NBEA: variants seen among roughly 807,000 people sequenced by gnomAD.
NBEA encodes neurobeachin, also known as lysosomal-trafficking regulator 2.
A neutral mutation model predicts 343.4 loss-of-function variants in NBEA; 44 were observed. The ratio of observed to expected loss-of-function variants is 0.13; its 90% CI spans 0.10 to 0.16. The LOEUF is 0.16. Among genes scored for constraint, NBEA ranks in the 10% least tolerant of loss-of-function variants. NBEA has a pLI of 1.00. For synonymous variants in NBEA, 1,175 were observed against 1,238.7 expected, an observed-to-expected ratio of 0.95 and a Z score of 1.08; for missense variants, 2,555 against 3,631.3, an observed-to-expected ratio of 0.70 and a Z score of 7.62.
intron 45 of NBEA, among the ~76,000 whole-genome samples, chr13:35,574,294 T>A (rs1437005453): frequency 9.6e-5 from 13 of 135,106 alleles, no homozygotes; most frequent in Non-Finnish European, 9.3e-5. Context: ...GGATATTCTT[T>A]AAAAAAAAAA....
chr13:35,637,729 G>A (rs990755964), intron 49 of NBEA, among the ~76,000 whole-genome samples: 1 of 152,026 alleles, frequency 6.6e-6, no homozygotes, highest in Non-Finnish European at 1.5e-5. Flanking sequence ...GGCTGAGGCA[G>A]GAGAATCACT....
At chr13:35,526,564 G>C (rs112958858) in intron 41 of NBEA, among the ~76,000 whole-genome samples, 5 of 152,170 alleles carry the variant, frequency 3.3e-5, no homozygotes, top group Non-Finnish European at 7.3e-5. Flanking sequence ...CTTGAACCCA[G>C]TGTCCTTGGA....
At chr13:35,180,582 T>C (rs1257017401) in intron 28 of NBEA, among the ~76,000 whole-genome samples, 1 of 151,722 alleles carries the variant, frequency 6.6e-6, no homozygotes, top group Non-Finnish European at 1.5e-5. Context: ...CTCCATTTTA[T>C]CTTTGAGTTT....
At chr13:35,025,706 C>T (rs1025221037) in intron 1 of NBEA, among the ~76,000 whole-genome samples, 10 of 152,082 alleles carry the variant, frequency 6.6e-5, no homozygotes, top group African/African-American at 2.2e-4. Context: ...TTTTATCTCT[C>T]ACTAGTCTCA....
At chr13:35,358,271 G>A (rs985324088) in intron 38 of NBEA, among the ~76,000 whole-genome samples, 12 of 150,218 alleles carry the variant, frequency 8.0e-5, no homozygotes, top group Non-Finnish European at 1.2e-4. Flanking sequence ...TGATCTGCCC[G>A]CCTCAACCTC....
At chr13:35,087,991 C>G (rs1325581388) in intron 10 of NBEA, among the ~76,000 whole-genome samples, 1 of 151,792 alleles carries the variant, frequency 6.6e-6, no homozygotes, top group Non-Finnish European at 1.5e-5. Context: ...TAATGTAACA[C>G]AGGGAAGAAG....
Position 34,942,805 on chromosome 13 carries a change from C to T in NBEA, c.-16C>T, listed in dbSNP as rs2059068968. 3.7e-6 allele frequency: 5 copies of T among 1,356,234 alleles called. No homozygotes were observed. Among genetic ancestry groups the T allele is most frequent in the Non-Finnish European group, 3.8e-6 (4 of 1,055,770 alleles). 84.0% of individuals were successfully genotyped at this position (1,356,234 alleles called of 1,614,324 possible). ...GCAGCGCCGCTGCTCTTCCCTTCTC[C>T]TCAGGAGGGGGGCCAATGGCTAGCG... On this transcript the variant is annotated 5_prime_UTR_variant, in exon 1 of 59. Coordinates refer to ENST00000379939, the MANE Select transcript of NBEA (RefSeq NM_001385012.1).
chr13:34,974,122 C>T (rs144575609), intron 1 of NBEA, among the ~76,000 whole-genome samples: 6 of 152,276 alleles, frequency 3.9e-5, no homozygotes, highest in Non-Finnish European at 5.9e-5. Context: ...GAGGTTCCTC[C>T]GGCTTTGTGT....
intron 30 of NBEA, among the ~76,000 whole-genome samples, chr13:35,193,047 C>A (rs879773909): frequency 6.6e-6 from 1 of 151,870 alleles, no homozygotes; most frequent in Non-Finnish European, 1.5e-5. Flanking sequence ...ATGCTAGTAA[C>A]CATGACACTG....
chr13:35,069,388 T>A (rs991250222), intron 8 of NBEA, among the ~76,000 whole-genome samples: 3 of 152,136 alleles, frequency 2.0e-5, no homozygotes, highest in African/African-American at 7.2e-5. Context: ...TCTTCTGAGT[T>A]TTGTATGTAT....
intron 28 of NBEA, among the ~76,000 whole-genome samples, chr13:35,178,438 G>A (rs1269048429): frequency 6.6e-6 from 1 of 151,582 alleles, no homozygotes; most frequent in Non-Finnish European, 1.5e-5. Context: ...CAGCCTTTAA[G>A]CATATATTTT....
intron 23 of NBEA, among the ~76,000 whole-genome samples, chr13:35,162,229 T>C (rs930942879): frequency 1.3e-5 from 2 of 152,182 alleles, no homozygotes; most frequent in Non-Finnish European, 2.9e-5. Context: ...TCAAAGATGA[T>C]AACTTAGACA....
At chr13:35,492,810 G>A (rs2076546311) in intron 41 of NBEA, among the ~76,000 whole-genome samples, 1 of 151,852 alleles carries the variant, frequency 6.6e-6, no homozygotes, top group Non-Finnish European at 1.5e-5. Flanking sequence ...CACTGGGACT[G>A]AGGTAAGCTT....
intron 23 of NBEA, among the ~76,000 whole-genome samples, chr13:35,163,225 G>A (rs2152714533): frequency 6.6e-6 from 1 of 152,072 alleles, no homozygotes; most frequent in Middle Eastern, 3.4e-3. Flanking sequence ...TTATTTTTAG[G>A]ACAGAGAGAA....
intron 33 of NBEA, among the ~76,000 whole-genome samples, chr13:35,229,849 G>A (rs2074871651): frequency 6.6e-6 from 1 of 151,994 alleles, no homozygotes; most frequent in South Asian, 2.1e-4. Flanking sequence ...AACCTTCTTT[G>A]GAATACATTG....
chr13:35,226,498 A>C (rs1195784743), intron 33 of NBEA, among the ~76,000 whole-genome samples: 6 of 152,050 alleles, frequency 3.9e-5, no homozygotes, highest in Admixed American at 3.9e-4. Flanking sequence ...AGGAGCATAA[A>C]TGTTATTATT....
intron 1 of NBEA, among the ~76,000 whole-genome samples, chr13:34,967,434 C>G (rs1263574356): frequency 6.6e-6 from 1 of 151,552 alleles, no homozygotes; most frequent in Non-Finnish European, 1.5e-5. Context: ...TAAGAAGCCT[C>G]TTTTTGGAAT....
At chr13:35,569,544 T>A (rs2080295939) in intron 45 of NBEA, among the ~76,000 whole-genome samples, 1 of 152,228 alleles carries the variant, frequency 6.6e-6, no homozygotes, top group African/African-American at 2.4e-5. Flanking sequence ...GCTCCTTTTT[T>A]TCTCTCCATT....
At chr13:35,175,760 A>G (rs762863941) in intron 27 of NBEA, among the ~76,000 whole-genome samples, 1 of 151,944 alleles carries the variant, frequency 6.6e-6, no homozygotes, top group Admixed American at 6.6e-5. Context: ...TTCTTATGTG[A>G]CATTTTAGGA....
Sources: allele counts gnomAD v4.1 joint callset (sites outside exome capture counted in the v4.1 genomes callset), GRCh38; gene constraint gnomAD v4.1.1; transcripts MANE v1.5; gene names NCBI Gene and HGNC (gene_info 2026-07-23, HGNC 2026-07-21).